Variants in CDC42SE2 observed in about 807,000 individuals in gnomAD.
CDC42SE2 encodes the protein CDC42 small effector 2.
In CDC42SE2, 3 loss-of-function variants were observed where a neutral mutation model predicts 11.5. The ratio of observed to expected loss-of-function variants is 0.26; its 90% CI spans 0.12 to 0.67. CDC42SE2 has a LOEUF of 0.67. Ranked by LOEUF, CDC42SE2 falls within the 30% of genes least tolerant of loss-of-function variation. The pLI, the probability that CDC42SE2 is intolerant of heterozygous loss-of-function variation, is 0.80. For missense variants in CDC42SE2, 82 were observed against 106.8 expected (o/e 0.77, Z 1.02); for synonymous variants, 33 against 34.8 (o/e 0.95, Z 0.18).
At chr5:131,234,637 AAAAAAAAAAAG>A in the CDC42SE2 span, among the ~76,000 whole-genome samples, 4 of 144,132 alleles carry the variant, frequency 2.8e-5, no homozygotes, top group African/African-American at 1.1e-4. Context: ...CTCTGTCTCA[AAAAAAAAAAAG>A]AAAAAAAAAG....
intron 1 of CDC42SE2, among the ~76,000 whole-genome samples, chr5:131,280,075 A>G (rs1247142253): frequency 6.6e-6 from 1 of 152,218 alleles, no homozygotes; most frequent in African/African-American, 2.4e-5. Flanking sequence ...TCAAAGAAAA[A>G]TTGAACTTAG....
intron 1 of CDC42SE2, among the ~76,000 whole-genome samples, chr5:131,285,844 T>A (rs933439344): frequency 3.3e-5 from 5 of 152,146 alleles, no homozygotes; most frequent in Admixed American, 6.6e-5. Flanking sequence ...TTCTTCCAGT[T>A]GCCTTTATAT....
At chr5:131,236,221 A>G in the CDC42SE2 span, among the ~76,000 whole-genome samples, 2 of 152,064 alleles carry the variant, frequency 1.3e-5, no homozygotes, top group Non-Finnish European at 2.9e-5. Context: ...TTGATGTGTA[A>G]TAAGTTTAGC....
chr5:131,331,834 C>A (rs540128071), intron 2 of CDC42SE2, among the ~76,000 whole-genome samples: 5 of 152,248 alleles, frequency 3.3e-5, no homozygotes, highest in African/African-American at 9.6e-5. Context: ...TCAAAGCTTT[C>A]TATTATTACA....
At chr5:131,349,605 G>A (rs1580772215) in intron 2 of CDC42SE2, among the ~76,000 whole-genome samples, 1 of 152,140 alleles carries the variant, frequency 6.6e-6, no homozygotes, top group Non-Finnish European at 1.5e-5. Context: ...CTGCCATGTC[G>A]TTCAAGGGTC....
the CDC42SE2 span, among the ~76,000 whole-genome samples, chr5:131,232,657 A>C: frequency 6.7e-6 from 1 of 149,818 alleles, no homozygotes; most frequent in Admixed American, 6.7e-5. Flanking sequence ...TTGCTTAAAC[A>C]CAGGAGGCGG....
chr5:131,352,547 A>G (rs1749373654), intron 2 of CDC42SE2, among the ~76,000 whole-genome samples: 1 of 152,214 alleles, frequency 6.6e-6, no homozygotes, highest in African/African-American at 2.4e-5. Flanking sequence ...TGATAATTAT[A>G]TGTGCATCCC....
intron 2 of CDC42SE2, among the ~76,000 whole-genome samples, chr5:131,334,759 G>A (rs1229756227): frequency 6.6e-6 from 1 of 152,210 alleles, no homozygotes; most frequent in African/African-American, 2.4e-5. Flanking sequence ...GCGTAGAGGT[G>A]TTTATAGTAT....
chr5:131,273,865 CCTCCCGGG>C, intron 1 of CDC42SE2, among the ~76,000 whole-genome samples: 1 of 152,036 alleles, frequency 6.6e-6, no homozygotes, highest in South Asian at 2.1e-4. Context: ...GTGGCCTTGA[CCTCCCGGG>C]CTCAGGTGAT....
intron 1 of CDC42SE2, among the ~76,000 whole-genome samples, chr5:131,252,052 G>C (rs1235208847): frequency 7.2e-6 from 1 of 139,542 alleles, no homozygotes; most frequent in Non-Finnish European, 1.5e-5. Flanking sequence ...AAGAAAAAGA[G>C]AATGAGTGGA....
chr5:131,211,673 T>C, the CDC42SE2 span, among the ~76,000 whole-genome samples: 1 of 152,210 alleles, frequency 6.6e-6, no homozygotes, highest in Non-Finnish European at 1.5e-5. Flanking sequence ...GAGATTTCCA[T>C]ACCACACAAA....
At chr5:131,379,512 A>G (rs1750257718) in intron 3 of CDC42SE2, among the ~76,000 whole-genome samples, 1 of 152,222 alleles carries the variant, frequency 6.6e-6, no homozygotes, top group South Asian at 2.1e-4. Context: ...AAGGATGCAA[A>G]TAAGGTTCTC....
At chr5:131,233,336 G>A in the CDC42SE2 span, among the ~76,000 whole-genome samples, 1 of 152,058 alleles carries the variant, frequency 6.6e-6, no homozygotes, top group South Asian at 2.1e-4. Context: ...CACCTACTAT[G>A]GATATTTATG....
Position 131,328,696 on chromosome 5 carries a change from C to T in CDC42SE2, c.-286+12552C>T, listed in dbSNP as rs1319778796. ...TGTTTAGTGAGTCATCCTTCTTTCACAGTAGTTTATGTTATAGATGTGTCT... is the reference window on the plus strand; with the variant it reads ...TGTTTAGTGAGTCATCCTTCTTTCATAGTAGTTTATGTTATAGATGTGTCT... On this transcript the variant is annotated intron_variant, in intron 2 of 4. Transcript: ENST00000505065. Among the ~76,000 whole-genome samples, 6 of 152,158 alleles carry T rather than the reference C, an allele frequency of 3.9e-5. No individual in the cohort carries two copies. The East Asian group carries it at 1.2e-3, about 29-fold the overall frequency.
intron 1 of CDC42SE2, among the ~76,000 whole-genome samples, chr5:131,287,905 C>G (rs1356222044): frequency 2.0e-5 from 3 of 151,100 alleles, no homozygotes; most frequent in African/African-American, 7.3e-5. Flanking sequence ...AATTTTTTTT[C>G]TTTTATTATT....
chr5:131,215,146 G>A, the CDC42SE2 span, among the ~76,000 whole-genome samples: 13 of 152,218 alleles, frequency 8.5e-5, no homozygotes, highest in South Asian at 6.2e-4. Context: ...AGCATCACCC[G>A]GAGAAAAGTC....
At chr5:131,307,792 T>C (rs1308064879) in intron 1 of CDC42SE2, among the ~76,000 whole-genome samples, 1 of 152,220 alleles carries the variant, frequency 6.6e-6, no homozygotes, top group Non-Finnish European at 1.5e-5. Flanking sequence ...CATTGTGGTT[T>C]TGATTTGCAT....
chr5:131,222,640 T>C, the CDC42SE2 span, among the ~76,000 whole-genome samples: 5 of 152,220 alleles, frequency 3.3e-5, no homozygotes, highest in Admixed American at 3.3e-4. Context: ...GCATGTATGT[T>C]GTCAGCTGAG....
intron 1 of CDC42SE2, among the ~76,000 whole-genome samples, chr5:131,279,088 A>G (rs962444465): frequency 2.0e-5 from 3 of 151,926 alleles, no homozygotes; most frequent in Non-Finnish European, 2.9e-5. Context: ...CCTGGTGAAT[A>G]TTGGCAATTT....
Sources: allele counts gnomAD v4.1 joint callset (sites outside exome capture counted in the v4.1 genomes callset), GRCh38; gene constraint gnomAD v4.1.1; transcripts MANE v1.5; gene names NCBI Gene and HGNC (gene_info 2026-07-23, HGNC 2026-07-21).